MYRF: variants seen among roughly 807,000 people sequenced by gnomAD.
The protein encoded by MYRF is myelin regulatory factor.
In MYRF, 16 loss-of-function variants were observed where a neutral mutation model predicts 126.3. The ratio of observed to expected loss-of-function variants is 0.13; its 90% CI spans 0.09 to 0.19. MYRF has a LOEUF of 0.19. Ranked by LOEUF, MYRF falls within the 10% of genes least tolerant of loss-of-function variation. MYRF has a pLI of 1.00. For synonymous variants in MYRF, 608 were observed against 635.3 expected (o/e 0.96, Z 0.65); for missense variants, 1,104 against 1,547.0 (o/e 0.71, Z 4.80).
Position 61,785,636 on chromosome 11 carries a change from C to T in MYRF, c.3301-164C>T, listed in dbSNP as rs942157500. The T allele has an allele frequency of 1.2e-5, 8 of 640,510 alleles. No individual in the cohort carries two copies. In the African/African-American group the frequency reaches 1.3e-4, roughly 10 times the overall value. The allele number at this position is 640,510 out of a possible 1,614,324, so 39.7% of individuals were successfully genotyped here. A position where few individuals can be genotyped will look rare whatever the true frequency, so the allele number is the denominator to read the frequency against. ...CTGCATGGAGTAGCTGCCATTGCTC[C>T]TTCTGCCAAAGCAGAACATGCTCCT... On this transcript the variant is annotated intron_variant, in intron 25 of 26. Coordinates refer to ENST00000278836, the MANE Select transcript of MYRF (RefSeq NM_001127392.3).
In MYRF at chr11:61,765,983, G is replaced by C. The variant is rs551486531; in HGVS notation, c.160G>C (p.Ala54Pro). 1.9e-6 allele frequency: 3 copies of C among 1,551,126 alleles called. No individual in the cohort carries two copies. Among genetic ancestry groups the C allele is most frequent in the Non-Finnish European group, 2.6e-6 (3 of 1,150,758 alleles). ...DLCFPDISAP[A>P]SSASYSHGQP... is the part of the protein sequence containing the mutation. ...CTGCTTCCCTGACATCTCTGCTCCA[G>C]CCAGCTCGGCCTCCTACTCCCACGG... Residue 54 changes from alanine to proline, a missense_variant, in exon 3 of 27, where the codon GCC becomes CCC. Ala to Pro is a conservative substitution (Grantham distance 27). Around this residue, in one of 10 missense-constraint regions of MYRF, gnomAD observed 368 missense variants for 403.9 expected, o/e 0.91. Transcript: ENST00000278836.
At chr11:61,758,601 T>A (rs2065823432) in intron 1 of MYRF, among the ~76,000 whole-genome samples, 1 of 152,204 alleles carries the variant, frequency 6.6e-6, no homozygotes, top group Middle Eastern at 3.2e-3. Flanking sequence ...TCAGTGAGTG[T>A]TTGTGTACAT....
At chr11:61,772,971 G>A (rs915318409) in intron 7 of MYRF, among the ~76,000 whole-genome samples, 2 of 151,938 alleles carry the variant, frequency 1.3e-5, no homozygotes, top group African/African-American at 2.4e-5. Context: ...GGACCTGAGT[G>A]AGGGTGCGCT....
intron 7 of MYRF, 43 bp from the exon 8 acceptor site, chr11:61,773,924 C>T (rs377656333): frequency 1.2e-5 from 19 of 1,541,364 alleles, no homozygotes; most frequent in South Asian, 6.9e-5. Context: ...GTTCCAGGCC[C>T]GGCTCTGGGG....
At position 61,787,811 on chromosome 11, in the gene MYRF, C is replaced by T. The variant is rs537214145; in HGVS notation, c.*1668C>T. 4.6e-5 allele frequency: 7 copies of T among 152,874 alleles called. No homozygotes were observed. The highest frequency in any genetic ancestry group is 2.0e-4 in the Admixed American group (3 of 15,306). 9.5% of individuals were successfully genotyped at this position (152,874 alleles called of 1,614,324 possible). On this transcript the variant is annotated 3_prime_UTR_variant, in exon 27 of 27. Transcript: ENST00000278836. The stretch of plus-strand genomic sequence containing the variant: ...TATGCCTTAAAACTGCCGAGCCCCA[C>T]TCCATGTAATAGGATTCCTGGGCTT...
At position 61,783,001 on chromosome 11, in the gene MYRF, TCCCACCCCTA is replaced by T. The variant is rs2066593075; in HGVS notation, c.3017-492_3017-483del. 1 of 154,356 alleles carries T rather than the reference TCCCACCCCTA, an allele frequency of 6.5e-6. No individual in the cohort carries two copies. The highest frequency in any genetic ancestry group is 1.4e-5 in the Non-Finnish European group (1 of 69,358). 9.6% of individuals were successfully genotyped at this position (154,356 alleles called of 1,614,324 possible). A position where few individuals can be genotyped will look rare whatever the true frequency, so the allele number is the denominator to read the frequency against. On this transcript the variant is annotated intron_variant, in intron 22 of 26. Coordinates refer to ENST00000278836, the MANE Select transcript of MYRF (RefSeq NM_001127392.3). The surrounding 1 kb of genome is among the most constrained non-coding windows in gnomAD (Gnocchi z 4.6). ...CCCCATCTGACTTGTCACACTTCAG[TCCCACCCCTA>T]CCCAGCCAGCCAGCCTGCAGTCGGT...
intron 22 of MYRF, chr11:61,782,538 G>A (rs1417961078): frequency 3.9e-5 from 6 of 152,254 alleles, no homozygotes; most frequent in Non-Finnish European, 7.3e-5. Context: ...AGGGGACTGG[G>A]GGTGATGAAG....
rs759294186 is a variant in MYRF at position 61,771,872 on chromosome 11, C to A, written c.1035C>A (p.Asp345Glu). Residue 345 changes from aspartate to glutamate, a missense_variant, in exon 7 of 27, where the codon GAC becomes GAA. By Grantham distance (45) the Asp-to-Glu change is conservative. Transcript: ENST00000278836. ...DSDSLSGSYL[D>E]PNYQSIKWQP... The stretch of plus-strand genomic sequence containing the variant: ...ACAGCCTCAGTGGCTCCTACCTGGA[C>A]CCCAACTACCAGTCCATCAAGTGGC... 15 of 1,614,146 alleles carry A rather than the reference C, an allele frequency of 9.3e-6. No individual in the cohort carries two copies. Among genetic ancestry groups the A allele is most frequent in the Non-Finnish European group, 8.5e-7 (1 of 1,180,022 alleles).
At chr11:61,753,285 C>T (rs1463320260) in intron 1 of MYRF, among the ~76,000 whole-genome samples, 1 of 151,906 alleles carries the variant, frequency 6.6e-6, no homozygotes, top group Non-Finnish European at 1.5e-5. Context: ...CCAAGACCCC[C>T]TGTGTGCCCT....
rs190027838 is a variant in MYRF, at chr11:61,764,441, C to A, written c.47-1184C>A. Among the ~76,000 whole-genome samples, 85 of 152,326 alleles carry A rather than the reference C, an allele frequency of 5.6e-4. 2 individuals are homozygous for A. The highest frequency in any genetic ancestry group is 3.3e-4 in the Admixed American group (5 of 15,300). On this transcript the variant is annotated intron_variant, in intron 1 of 26. Transcript: ENST00000278836. The stretch of plus-strand genomic sequence containing the variant: ...CATTGCACGAATGAGGAGACTGAGG[C>A]GCAGAGAGTGCATGTGACCTGCCCA...
chr11:61,779,648 C>T (rs1010003308), intron 16 of MYRF, 78 bp downstream of exon 16: 13 of 1,341,054 alleles, frequency 9.7e-6, no homozygotes, highest in Non-Finnish European at 1.3e-5. Flanking sequence ...TGCAGTTCTC[C>T]AGCCTCACTG....
At chr11:61,761,657 G>T in intron 1 of MYRF, among the ~76,000 whole-genome samples, 1 of 152,344 alleles carries the variant, frequency 6.6e-6, no homozygotes, top group Non-Finnish European at 1.5e-5. Flanking sequence ...CATCCACTCC[G>T]TGAACATTTC....
At chr11:61,753,284 C>G (rs891510222) in intron 1 of MYRF, among the ~76,000 whole-genome samples, 1 of 151,986 alleles carries the variant, frequency 6.6e-6, no homozygotes, top group Middle Eastern at 3.4e-3. Flanking sequence ...ACCAAGACCC[C>G]CTGTGTGCCC....
chr11:61,766,577 G>A (rs1220163495), intron 3 of MYRF: 2 of 274,428 alleles, frequency 7.3e-6, no homozygotes, highest in Non-Finnish European at 1.4e-5. Flanking sequence ...CGCGCGCCAA[G>A]CCCACCCACT....
intron 16 of MYRF, 35 bp from the exon 17 acceptor site, chr11:61,779,807 C>G: frequency 6.3e-7 from 1 of 1,599,056 alleles, no homozygotes; most frequent in African/African-American, 1.3e-5. Flanking sequence ...CAGCCTGGCC[C>G]TCTTTGCATT....
chr11:61,770,362 C>G lies in MYRF; in HGVS notation c.577C>G (p.Pro193Ala), dbSNP rs769233789. The change falls in exon 5 of 27, where the codon CCA becomes GCA. Residue 193 changes from proline to alanine, a missense_variant. Physicochemically the swap from Pro to Ala is conservative, Grantham distance 27. Around this residue, in one of 10 missense-constraint regions of MYRF, gnomAD observed 368 missense variants for 403.9 expected, o/e 0.91. Transcript: ENST00000278836. ...AHLPGPPPPPPPPPHYPVLQR... is the reference protein window; with the variant it reads ...AHLPGPPPPPAPPPHYPVLQR... ...CTTGCCAGGCCCCCCGCCACCCCCA[C>G]CACCCCCACCTCACTACCCTGTCCT... is the stretch of plus-strand genomic sequence containing the variant. The G allele has an allele frequency of 7.2e-6, 11 of 1,532,202 alleles. No homozygotes were observed. Among genetic ancestry groups the G allele is most frequent in the African/African-American group, 1.4e-5 (1 of 72,568 alleles). 94.9% of individuals were successfully genotyped at this position (1,532,202 alleles called of 1,614,324 possible). A position where few individuals can be genotyped will look rare whatever the true frequency, so the allele number is the denominator to read the frequency against.
rs2066613479 is a variant in MYRF, at chr11:61,783,679, G to A, written c.3119+79G>A. 2 of 1,441,548 alleles carry A rather than the reference G, an allele frequency of 1.4e-6. No homozygotes were observed. Among genetic ancestry groups the A allele is most frequent in the South Asian group, 2.4e-5 (2 of 84,246 alleles). The allele number at this position is 1,441,548 out of a possible 1,614,324, so 89.3% of individuals were successfully genotyped here. A position where few individuals can be genotyped will look rare whatever the true frequency, so the allele number is the denominator to read the frequency against. On this transcript the variant is annotated intron_variant, in intron 23 of 26. Coordinates refer to ENST00000278836, the MANE Select transcript of MYRF (RefSeq NM_001127392.3). This position sits in a 1 kb window ranked among gnomAD's most constrained non-coding sequence, Gnocchi z 4.6. Reference sequence around the variant, plus strand: ...AGGTGGTACAGATCACCCGGAACTTGCCCTTTCAGGGAGGAGCCTCCCCCA... The same window carrying A: ...AGGTGGTACAGATCACCCGGAACTTACCCTTTCAGGGAGGAGCCTCCCCCA...
chr11:61,764,981 A>G (rs574319352), intron 1 of MYRF, among the ~76,000 whole-genome samples: 202 of 152,310 alleles, frequency 1.3e-3, no homozygotes, highest in Non-Finnish European at 2.4e-3. Context: ...GGCATATCCA[A>G]TGAGGGTGCA....
intron 17 of MYRF, 114 bp downstream of exon 17, chr11:61,780,044 T>C: frequency 8.1e-7 from 1 of 1,240,322 alleles, no homozygotes. Context: ...GCTTGGGAGA[T>C]CAGGCAGCTG....
Sources: allele counts gnomAD v4.1 joint callset (sites outside exome capture counted in the v4.1 genomes callset), GRCh38; gene constraint gnomAD v4.1.1; regional missense constraint gnomAD v4.1.1; non-coding constraint Gnocchi (gnomAD v3.1); transcripts MANE v1.5; gene names NCBI Gene and HGNC (gene_info 2026-07-23, HGNC 2026-07-21).